Variants in SPATS2 observed in about 807,000 individuals in gnomAD.
The protein encoded by SPATS2 is spermatogenesis associated serine rich 2.
In SPATS2, 38 loss-of-function variants were observed where a neutral mutation model predicts 63.7. That is an observed-to-expected ratio of 0.60 (90% CI 0.46 to 0.78). SPATS2 has a LOEUF of 0.78. Among genes scored for constraint, SPATS2 ranks in the 30% least tolerant of loss-of-function variants. SPATS2 has a pLI of 0.00. For missense variants in SPATS2, 588 were observed against 666.2 expected (o/e 0.88, Z 1.29); for synonymous variants, 207 against 232.9 (o/e 0.89, Z 1.01).
chr12:49,457,184 T>A (rs1482739484), intron 2 of SPATS2, among the ~76,000 whole-genome samples: 1 of 152,178 alleles, frequency 6.6e-6, no homozygotes. Context: ...AGGGTTTATA[T>A]TGTTTTCCAG....
chr12:49,412,930 A>G (rs1468965210), intron 2 of SPATS2, among the ~76,000 whole-genome samples: 1 of 152,190 alleles, frequency 6.6e-6, no homozygotes, highest in Admixed American at 6.5e-5. Flanking sequence ...CAAATTAAAC[A>G]TTTCAGCTGG....
chr12:49,505,056 G>A (rs1425181283), intron 9 of SPATS2, among the ~76,000 whole-genome samples: 1 of 150,928 alleles, frequency 6.6e-6, no homozygotes, highest in Non-Finnish European at 1.5e-5. Flanking sequence ...GAGCCACCTC[G>A]CCCAGCTCAG....
intron 2 of SPATS2, chr12:49,390,254 T>C: frequency 1.3e-6 from 1 of 765,812 alleles, no homozygotes; most frequent in Non-Finnish European, 2.1e-6. Context: ...ATCCATTATT[T>C]TTTTCTCTTT....
At chr12:49,426,944 T>C (rs1945088634) in intron 2 of SPATS2, among the ~76,000 whole-genome samples, 1 of 152,268 alleles carries the variant, frequency 6.6e-6, no homozygotes, top group Non-Finnish European at 1.5e-5. Flanking sequence ...ATAATGCTGC[T>C]GTAAACATTC....
chr12:49,462,497 C>T, intron 3 of SPATS2: 1 of 698,588 alleles, frequency 1.4e-6, no homozygotes, highest in Non-Finnish European at 2.6e-6. Flanking sequence ...GGGCCCTTTC[C>T]CCCCGTGTGT....
chr12:49,489,397 C>A, intron 4 of SPATS2, 68 bp from the exon 5 acceptor site: 1 of 1,162,782 alleles, frequency 8.6e-7, no homozygotes, highest in Non-Finnish European at 1.3e-6. Flanking sequence ...TCATTATTCT[C>A]TGTATAGGCC....
chr12:49,369,659 A>T (rs1292644304), intron 1 of SPATS2, among the ~76,000 whole-genome samples: 2 of 152,172 alleles, frequency 1.3e-5, no homozygotes, highest in African/African-American at 2.4e-5. Flanking sequence ...TACTCTGTGG[A>T]GTTCATTGAA....
chr12:49,490,835 GTT>G (rs1946370125), intron 6 of SPATS2, 104 bp downstream of exon 6: 6 of 1,081,416 alleles, frequency 5.5e-6, no homozygotes, highest in Non-Finnish European at 8.0e-6. Flanking sequence ...CATATCTTCT[GTT>G]TACCTGGTTA....
intron 2 of SPATS2, among the ~76,000 whole-genome samples, chr12:49,437,314 G>A (rs1449194314): frequency 5.3e-5 from 8 of 150,678 alleles, no homozygotes; most frequent in East Asian, 2.0e-4. Flanking sequence ...ATGGGATGGC[G>A]GCCGGGCAGA....
At chr12:49,456,743 G>A (rs1325717532) in intron 2 of SPATS2, among the ~76,000 whole-genome samples, 1 of 152,132 alleles carries the variant, frequency 6.6e-6, no homozygotes, top group African/African-American at 2.4e-5. Context: ...GAGGTGGTGG[G>A]GAATGAACAG....
chr12:49,467,599 A>C (rs1259483183), intron 3 of SPATS2, among the ~76,000 whole-genome samples: 1 of 152,222 alleles, frequency 6.6e-6, no homozygotes, highest in Non-Finnish European at 1.5e-5. Context: ...TGATTTTGTC[A>C]GATGATATTT....
At chr12:49,444,016 C>T (rs768803556) in intron 2 of SPATS2, among the ~76,000 whole-genome samples, 1 of 152,094 alleles carries the variant, frequency 6.6e-6, no homozygotes, top group Non-Finnish European at 1.5e-5. Flanking sequence ...TACAAAAATG[C>T]TTGCTGAAAT....
At chr12:49,516,157 AAAAAAAAAAATATATATATATAT>A (rs1443195437) in intron 10 of SPATS2, among the ~76,000 whole-genome samples, 1 of 43,898 alleles carries the variant, frequency 2.3e-5, no homozygotes, top group Non-Finnish European at 3.9e-5. Flanking sequence ...AAAAAAAAAA[AAAAAAAAAAATATATATATATAT>A]ATATATATAT....
At chr12:49,423,355 C>T (rs939337813) in intron 2 of SPATS2, among the ~76,000 whole-genome samples, 1 of 152,158 alleles carries the variant, frequency 6.6e-6, no homozygotes, top group Non-Finnish European at 1.5e-5. Context: ...TGGTCTCGAA[C>T]TCCTGACCTC....
Position 49,390,080 on chromosome 12 carries a change from T to C in SPATS2, c.-244+18790T>C, listed in dbSNP as rs1944393628. The C allele has an allele frequency of 2.4e-6, 3 of 1,270,234 alleles. No homozygotes were observed. In the East Asian group the frequency reaches 7.0e-5, roughly 30 times the overall value. 78.7% of individuals were successfully genotyped at this position (1,270,234 alleles called of 1,614,324 possible). ...CTATAAATAACTCGAGAATCACTTT[T>C]GAACCTAAGGAAAGAAGATGTGTCG... On this transcript the variant is annotated intron_variant, in intron 2 of 13. Transcript: ENST00000552918.
chr12:49,526,538 T>G lies in SPATS2; in HGVS notation c.*283T>G, dbSNP rs1947039188. The stretch of plus-strand genomic sequence containing the variant: ...CTGTTACCAGGTTTCGGCCTTCCAG[T>G]TGATCCCTCCACTGTCCAGGCTGTC... On this transcript the variant is annotated 3_prime_UTR_variant, in exon 14 of 14. Coordinates refer to ENST00000552918, the MANE Select transcript of SPATS2 (RefSeq NM_023071.4). 15 of 419,354 alleles carry G rather than the reference T, an allele frequency of 3.6e-5. No individual in the cohort carries two copies. In the South Asian group the frequency reaches 4.1e-4, roughly 12 times the overall value. The allele number at this position is 419,354 out of a possible 1,614,324, so 26.0% of individuals were successfully genotyped here.
At chr12:49,474,044 A>G (rs969893736) in intron 3 of SPATS2, among the ~76,000 whole-genome samples, 1 of 152,210 alleles carries the variant, frequency 6.6e-6, no homozygotes, top group Non-Finnish European at 1.5e-5. Context: ...CCTGGGTAGT[A>G]GTACTTGGGT....
At chr12:49,437,002 CG>C (rs953465095) in intron 2 of SPATS2, among the ~76,000 whole-genome samples, 1 of 151,286 alleles carries the variant, frequency 6.6e-6, no homozygotes, top group Non-Finnish European at 1.5e-5. Flanking sequence ...GCTGGCCGGG[CG>C]GGGGGCTGAC....
chr12:49,500,176 G>GA lies in SPATS2; in HGVS notation c.813dup (p.Gln272ThrfsTer5). The GA allele has an allele frequency of 6.2e-7, 1 of 1,608,566 alleles. No individual in the cohort carries two copies. The highest frequency in any genetic ancestry group is 1.7e-5 in the Admixed American group (1 of 58,642). On this transcript the variant is annotated frameshift_variant, in exon 9 of 14. Coordinates refer to ENST00000552918, the MANE Select transcript of SPATS2 (RefSeq NM_023071.4). LOFTEE classifies it high-confidence loss of function. Reference sequence around the variant, plus strand: ...AGATGGATGCCTCCATTAAGAAAATGAAACAAGCCTTTGCTGAATTGGAGA... The same window carrying GA: ...AGATGGATGCCTCCATTAAGAAAATGAAAACAAGCCTTTGCTGAATTGGAGA...
Sources: allele counts gnomAD v4.1 joint callset (sites outside exome capture counted in the v4.1 genomes callset), GRCh38; gene constraint gnomAD v4.1.1; transcripts MANE v1.5; gene names NCBI Gene and HGNC (gene_info 2026-07-23, HGNC 2026-07-21).